Variants in IL5 observed in about 807,000 individuals in gnomAD.
IL5 encodes interleukin-5.
A neutral mutation model predicts 16.3 loss-of-function variants in IL5; 12 were observed. That is an observed-to-expected ratio of 0.74 (90% CI 0.47 to 1.20). The LOEUF is 1.20. IL5 is among the 50% of genes most tolerant of loss of function. The pLI is 0.00. For missense variants in IL5, 159 were observed against 153.9 expected (o/e 1.03, Z -0.17); for synonymous variants, 54 against 56.6 (o/e 0.95, Z 0.21).
At chr5:132,546,205 G>A (rs982755230), upstream of IL5, among the ~76,000 whole-genome samples, 3 of 152,056 alleles carry the variant, frequency 2.0e-5, no homozygotes, top group Non-Finnish European at 4.4e-5. Context: ...TAAGTGTACA[G>A]CTCAGTAGCC....
chr5:132,545,851 C>T (rs1749775415), upstream of IL5, among the ~76,000 whole-genome samples: 1 of 152,062 alleles, frequency 6.6e-6, no homozygotes, highest in African/African-American at 2.4e-5. Flanking sequence ...ACTCAGGAGG[C>T]GGAGGTTGCA....
intron 1 of IL5, among the ~76,000 whole-genome samples, chr5:132,555,028 AG>A (rs556707427): frequency 3.5e-4 from 53 of 152,312 alleles, no homozygotes; most frequent in Admixed American, 1.7e-3. Flanking sequence ...GGAATGGGCA[AG>A]CTAGATCCCT....
upstream of IL5, among the ~76,000 whole-genome samples, chr5:132,546,088 T>C (rs1007729732): frequency 7.9e-5 from 12 of 152,212 alleles, 1 homozygote; most frequent in Admixed American, 7.2e-4. Flanking sequence ...TGGGTTCTTA[T>C]TGGAAGGCTA....
chr5:132,552,136 G>T (rs557493714), intron 1 of IL5, among the ~76,000 whole-genome samples: 1 of 152,136 alleles, frequency 6.6e-6, no homozygotes, highest in Non-Finnish European at 1.5e-5. Flanking sequence ...GGGCTTGGTG[G>T]TGCACGCCTG....
rs570350570 is a variant in IL5, at chr5:132,554,856, T to G, written c.42+1818A>C. 6.6e-5 allele frequency among the ~76,000 whole-genome samples: 10 copies of G among 152,310 alleles called. No individual in the cohort carries two copies. The South Asian group carries it at 1.7e-3, about 25-fold the overall frequency. On this transcript the variant is annotated intron_variant, in intron 1 of 2. Coordinates refer to the IL5 transcript ENST00000450655. Reference sequence around the variant, plus strand: ...GTATTGTAATGAATCTTATTCAACCTTAAAAACGACCTGAATTCTGATATA... The same window carrying G: ...GTATTGTAATGAATCTTATTCAACCGTAAAAACGACCTGAATTCTGATATA...
At chr5:132,542,536 A>G (rs1749714489) in intron 2 of IL5, among the ~76,000 whole-genome samples, 1 of 152,204 alleles carries the variant, frequency 6.6e-6, no homozygotes, top group South Asian at 2.1e-4. Context: ...AACTCATATC[A>G]ATGTGTTTCT....
intron 1 of IL5, among the ~76,000 whole-genome samples, chr5:132,555,547 G>T: frequency 6.6e-6 from 1 of 152,152 alleles, no homozygotes; most frequent in East Asian, 1.9e-4. Context: ...ACGGAGTCTC[G>T]CTCTGTTGCC....
exon 1 of IL5, chr5:132,556,674 C>T (rs1283811308): frequency 1.6e-6 from 2 of 1,255,810 alleles, no homozygotes; most frequent in Non-Finnish European, 2.1e-6. Flanking sequence ...ACGAACTGAC[C>T]CCGCTTCCTG....
rs988687177 is a variant in IL5 at position 132,542,162 on chromosome 5, T to A, written c.178-19A>T. Reference sequence around the variant, plus strand: ...GTTGGTGCTAAATGAGGAAAATTTTTAAAATGCAAATAATCAAGACAAGGT... The same window carrying A: ...GTTGGTGCTAAATGAGGAAAATTTTAAAAATGCAAATAATCAAGACAAGGT... On this transcript the variant is annotated intron_variant, in intron 2 of 3. Coordinates refer to ENST00000231454, the MANE Select transcript of IL5 (RefSeq NM_000879.3). The A allele has an allele frequency of 2.6e-5, 42 of 1,598,272 alleles. No individual in the cohort carries two copies. The highest frequency in any genetic ancestry group is 3.6e-5 in the Non-Finnish European group (42 of 1,174,352).
At chr5:132,545,873 T>C (rs1360679322), upstream of IL5, among the ~76,000 whole-genome samples, 1 of 151,972 alleles carries the variant, frequency 6.6e-6, no homozygotes, top group Non-Finnish European at 1.5e-5. Context: ...TGAGCTGAGG[T>C]TGCACCACTG....
chr5:132,545,693 C>T (rs1749771853), upstream of IL5, among the ~76,000 whole-genome samples: 1 of 152,134 alleles, frequency 6.6e-6, no homozygotes, highest in Non-Finnish European at 1.5e-5. Flanking sequence ...TGCTCAGCTC[C>T]AGCTGATGGT....
intron 1 of IL5, among the ~76,000 whole-genome samples, chr5:132,552,258 ACT>A (rs1392511459): frequency 2.0e-5 from 3 of 152,278 alleles, no homozygotes; most frequent in South Asian, 2.1e-4. Context: ...ACAGAGCGAG[ACT>A]CTGTCTCAAA....
chr5:132,544,357 AT>A, upstream of IL5, among the ~76,000 whole-genome samples: 1 of 152,340 alleles, frequency 6.6e-6, no homozygotes, highest in East Asian at 1.9e-4. Context: ...AGGGTGTAGT[AT>A]ATACTGATTG....
Position 132,542,604 on chromosome 5 carries a change from T to A in IL5, c.178-461A>T, listed in dbSNP as rs142411846. On this transcript the variant is annotated intron_variant, in intron 2 of 3. Coordinates refer to ENST00000231454, the MANE Select transcript of IL5 (RefSeq NM_000879.3). ...ACTAATAAAACTATATATTTTACAT[T>A]TTAATATGACCAGGACATATTCAAA... Among the ~76,000 whole-genome samples, 457 of 152,302 alleles carry A rather than the reference T, an allele frequency of 3.0e-3. 6 individuals are homozygous for A. The highest frequency in any genetic ancestry group is 4.0e-3 in the East Asian group (21 of 5,192).
At chr5:132,544,245 A>T (rs1212439608), upstream of IL5, among the ~76,000 whole-genome samples, 1 of 152,254 alleles carries the variant, frequency 6.6e-6, no homozygotes, top group Non-Finnish European at 1.5e-5. Flanking sequence ...GTTCATGAGC[A>T]GCAGGAAAAA....
chr5:132,555,974 A>G (rs1176971590), intron 1 of IL5: 1 of 51,580 alleles, frequency 1.9e-5, no homozygotes, highest in Non-Finnish European at 4.9e-5. Flanking sequence ...GTAATAACTG[A>G]CACTTTCCGG....
intron 2 of IL5, 57 bp from the exon 3 acceptor site, chr5:132,542,200 T>C (rs1749708599): frequency 7.5e-7 from 1 of 1,340,206 alleles, no homozygotes; most frequent in South Asian, 1.3e-5. Flanking sequence ...AAAAATTTGG[T>C]CCATTGTCCA....
intron 1 of IL5, among the ~76,000 whole-genome samples, chr5:132,554,053 T>C (rs1176939379): frequency 6.6e-6 from 1 of 151,494 alleles, no homozygotes; most frequent in Non-Finnish European, 1.5e-5. Flanking sequence ...ATGTTAATTA[T>C]GCTTCAATAA....
At chr5:132,542,974 C>T (rs1349622813) in intron 2 of IL5, 120 bp downstream of exon 2, 3 of 724,822 alleles carry the variant, frequency 4.1e-6, no homozygotes, top group African/African-American at 1.8e-5. Context: ...TTCACAGCCA[C>T]CCATATGAAA....
Sources: gnomAD v4.1 joint callset for allele counts (sites outside exome capture counted in the v4.1 genomes callset) on GRCh38, gnomAD v4.1.1 for gene constraint, MANE v1.5 for transcripts, NCBI Gene and HGNC (gene_info 2026-07-23, HGNC 2026-07-21) for gene names.